The following AXDND1 variants were observed in gnomAD, a reference collection of about 807,000 sequenced individuals.
The protein encoded by AXDND1 is axonemal dynein light chain domain containing 1, also known as axonemal dynein light chain domain-containing protein 1.
In AXDND1, 110 loss-of-function variants were observed where a neutral mutation model predicts 137.5. That is an observed-to-expected ratio of 0.80 (90% CI 0.69 to 0.94). AXDND1 has a LOEUF of 0.94. Ranked by LOEUF, AXDND1 falls within the 40% of genes least tolerant of loss-of-function variation. The pLI is 0.00. For missense variants in AXDND1, 1,191 were observed against 1,169.8 expected (o/e 1.02, Z -0.26); for synonymous variants, 414 against 399.7 (o/e 1.04, Z -0.43).
chr1:179,395,023 T>C, intron 10 of AXDND1, 75 bp from the exon 11 acceptor site: 1 of 1,292,750 alleles, frequency 7.7e-7, no homozygotes, highest in Non-Finnish European at 1.1e-6. Context: ...TTCCTGAATA[T>C]AAATCTGATT....
chr1:179,432,565 A>C (rs1433843867), intron 15 of AXDND1, among the ~76,000 whole-genome samples: 1 of 152,132 alleles, frequency 6.6e-6, no homozygotes, highest in African/African-American at 2.4e-5. Context: ...AGCTAGGATT[A>C]CAGGCATGTG....
chr1:179,419,115 C>T (rs550428675), intron 12 of AXDND1, among the ~76,000 whole-genome samples: 2,966 of 150,674 alleles, frequency 0.02, 103 homozygotes, highest in African/African-American at 0.068. Flanking sequence ...CGGGCAGAGA[C>T]GCTCCTCACT....
At chr1:179,414,748 A>G (rs2125237030) in intron 12 of AXDND1, among the ~76,000 whole-genome samples, 1 of 152,264 alleles carries the variant, frequency 6.6e-6, no homozygotes, top group Non-Finnish European at 1.5e-5. Context: ...AATTTGATAT[A>G]ATTCCACTAA....
At chr1:179,427,765 T>G (rs1656783939) in intron 12 of AXDND1, among the ~76,000 whole-genome samples, 1 of 152,174 alleles carries the variant, frequency 6.6e-6, no homozygotes, top group African/African-American at 2.4e-5. Context: ...ATTACCCACA[T>G]TTTTCATATG....
chr1:179,460,620 G>A (rs943251036), intron 16 of AXDND1, among the ~76,000 whole-genome samples: 1 of 152,244 alleles, frequency 6.6e-6, no homozygotes, highest in East Asian at 1.9e-4. Context: ...TTGAGGAATC[G>A]CCACACTGTC....
chr1:179,498,873 T>C (rs757276026), intron 20 of AXDND1, among the ~76,000 whole-genome samples: 1 of 151,682 alleles, frequency 6.6e-6, no homozygotes, highest in African/African-American at 2.4e-5. Context: ...AAAACCACAA[T>C]GAGATACCAT....
At chr1:179,419,769 T>C (rs1297210368) in intron 12 of AXDND1, among the ~76,000 whole-genome samples, 1 of 152,204 alleles carries the variant, frequency 6.6e-6, no homozygotes, top group African/African-American at 2.4e-5. Context: ...TTGGTATATA[T>C]AAATCCTACT....
chr1:179,445,707 A>G (rs141412139), intron 16 of AXDND1, among the ~76,000 whole-genome samples: 30 of 152,290 alleles, frequency 2.0e-4, no homozygotes, highest in African/African-American at 5.8e-4. Flanking sequence ...TTTATGGCCT[A>G]ATAATAGTGT....
At chr1:179,390,203 A>C (rs2125121842) in intron 9 of AXDND1, among the ~76,000 whole-genome samples, 1 of 152,162 alleles carries the variant, frequency 6.6e-6, no homozygotes, top group East Asian at 1.9e-4. Context: ...TAGTAGATAC[A>C]AGGTTTTTCC....
Position 179,395,170 on chromosome 1 carries a change from A to G in AXDND1, c.1077A>G (p.Ala359=). ...CAGAAAAAGCCCACAAGGATTTGGC[A>G]CAAGCTCTTTTAAATGCGGAAAAGA... is the stretch of plus-strand genomic sequence containing the variant. ...KETEKAHKDL[A]QALLNAEKNA... The change falls in exon 11 of 26, where the codon GCA becomes GCG. Residue 359 remains alanine (A), a synonymous_variant. Coordinates refer to ENST00000367618, the MANE Select transcript of AXDND1 (RefSeq NM_144696.6). The G allele has an allele frequency of 6.2e-7, 1 of 1,613,598 alleles. No homozygotes were observed. Among genetic ancestry groups the G allele is most frequent in the South Asian group, 1.1e-5 (1 of 90,950 alleles).
chr1:179,521,019 C>T (rs191056069), intron 21 of AXDND1, among the ~76,000 whole-genome samples: 156 of 151,802 alleles, frequency 1.0e-3, no homozygotes, highest in African/African-American at 3.6e-3. Context: ...TGGAGTTCAG[C>T]GGTCCAGTTA....
intron 14 of AXDND1, among the ~76,000 whole-genome samples, chr1:179,431,149 TA>T (rs948237674): frequency 4.6e-5 from 7 of 152,132 alleles, no homozygotes; most frequent in African/African-American, 1.2e-4. Context: ...AATTTAATTT[TA>T]TTTTTTTTTG....
intron 12 of AXDND1, among the ~76,000 whole-genome samples, chr1:179,422,979 G>A (rs1026216099): frequency 6.6e-6 from 1 of 152,066 alleles, no homozygotes; most frequent in Non-Finnish European, 1.5e-5. Context: ...GGCCAGGCTG[G>A]TCTCGAACTC....
chr1:179,432,244 C>A, intron 14 of AXDND1, 23 bp from the exon 15 acceptor site: 1 of 1,321,564 alleles, frequency 7.6e-7, no homozygotes, highest in Non-Finnish European at 1.0e-6. Flanking sequence ...AGATGTTTCT[C>A]TTTTTTTTTT....
In AXDND1 at chr1:179,385,240, G is replaced by T; in HGVS notation, c.744G>T (p.Met248Ile). The T allele has an allele frequency of 1.2e-6, 2 of 1,608,616 alleles. No homozygotes were observed. The highest frequency in any genetic ancestry group is 1.7e-6 in the Non-Finnish European group (2 of 1,175,266). The change falls in exon 9 of 26, where the codon ATG (methionine) becomes ATT (isoleucine). Residue 248 changes from methionine (M) to isoleucine (I), a missense_variant and splice_region_variant. Transcript: ENST00000367618. Reference protein sequence around the residue: ...ENQEYTGPTKMHKLLHILKKE... With the variant: ...ENQEYTGPTKIHKLLHILKKE... Reference sequence around the variant, plus strand: ...TTATGTTACTTACCTTCTGACAGATGCACAAACTACTACATATATTGAAGA... The same window carrying T: ...TTATGTTACTTACCTTCTGACAGATTCACAAACTACTACATATATTGAAGA...
chr1:179,472,990 C>A (rs931907152), intron 17 of AXDND1, among the ~76,000 whole-genome samples: 15 of 151,926 alleles, frequency 9.9e-5, no homozygotes, highest in African/African-American at 3.4e-4. Context: ...TTGTTAAATC[C>A]ATTTACCTTT....
intron 25 of AXDND1, among the ~76,000 whole-genome samples, chr1:179,535,905 T>C (rs1671509667): frequency 6.6e-6 from 1 of 152,240 alleles, no homozygotes; most frequent in African/African-American, 2.4e-5. Flanking sequence ...GACTTTTTAA[T>C]GATCGCCATT....
At chr1:179,530,134 A>C (rs1346307898) in intron 23 of AXDND1, among the ~76,000 whole-genome samples, 1 of 152,100 alleles carries the variant, frequency 6.6e-6, no homozygotes, top group Non-Finnish European at 1.5e-5. Flanking sequence ...AGTTCAAGCG[A>C]TTCTCCTGCC....
chr1:179,461,975 A>G (rs1019867547), intron 16 of AXDND1, among the ~76,000 whole-genome samples: 6 of 152,302 alleles, frequency 3.9e-5, no homozygotes, highest in African/African-American at 1.4e-4. Flanking sequence ...TAAATATACA[A>G]TCATGTCATC....
Sources: allele counts gnomAD v4.1 joint callset (sites outside exome capture counted in the v4.1 genomes callset), GRCh38; gene constraint gnomAD v4.1.1; transcripts MANE v1.5; gene names NCBI Gene and HGNC (gene_info 2026-07-23, HGNC 2026-07-21).